Variants in SAMD5 observed in about 807,000 individuals in gnomAD.
The protein encoded by SAMD5 is sterile alpha motif domain-containing protein 5.
A neutral mutation model predicts 11.3 loss-of-function variants in SAMD5; 13 were observed. The ratio of observed to expected loss-of-function variants is 1.15; its 90% CI spans 0.75 to 1.83. SAMD5 has a LOEUF of 1.83. Ranked by LOEUF, SAMD5 falls within the 40% of genes most tolerant of loss-of-function variation. The pLI, the probability that SAMD5 is intolerant of heterozygous loss-of-function variation, is 0.00. For synonymous variants in SAMD5, 129 were observed against 111.3 expected (o/e 1.16, Z -1.00); for missense variants, 255 against 239.1 (o/e 1.07, Z -0.44).
intron 1 of SAMD5, among the ~76,000 whole-genome samples, chr6:147,641,188 C>T (rs1166397076): frequency 6.6e-6 from 1 of 152,102 alleles, no homozygotes; most frequent in Non-Finnish European, 1.5e-5. Context: ...CCTGAAATGC[C>T]CAGCTCCAGC....
At chr6:147,626,538 T>C (rs1216719742) in intron 1 of SAMD5, among the ~76,000 whole-genome samples, 1 of 151,922 alleles carries the variant, frequency 6.6e-6, no homozygotes, top group Non-Finnish European at 1.5e-5. Flanking sequence ...TTAGATCAGC[T>C]GTATAGTCTT....
the SAMD5 span, among the ~76,000 whole-genome samples, chr6:147,797,346 C>T: frequency 7.8e-3 from 1,065 of 136,010 alleles, 16 homozygotes; most frequent in African/African-American, 0.031. Flanking sequence ...TTGTCTTTGG[C>T]TCTGTTTATA....
chr6:147,695,509 T>G (rs901972950), intron 1 of SAMD5, among the ~76,000 whole-genome samples: 4 of 152,250 alleles, frequency 2.6e-5, no homozygotes, highest in Non-Finnish European at 5.9e-5. Flanking sequence ...TAAATGATCT[T>G]ATACTGCTAT....
chr6:147,703,648 C>T (rs1211440362), intron 1 of SAMD5, among the ~76,000 whole-genome samples: 1 of 152,172 alleles, frequency 6.6e-6, no homozygotes, highest in African/African-American at 2.4e-5. Context: ...AAATCACAAT[C>T]TCCTTTCTCT....
At chr6:147,891,856 C>T in the SAMD5 span, among the ~76,000 whole-genome samples, 1 of 151,974 alleles carries the variant, frequency 6.6e-6, no homozygotes, top group East Asian at 1.9e-4. Flanking sequence ...CCAGACGTGC[C>T]TGGAAAAGAA....
At chr6:147,641,230 C>T (rs778319769) in intron 1 of SAMD5, among the ~76,000 whole-genome samples, 1 of 152,144 alleles carries the variant, frequency 6.6e-6, no homozygotes, top group Non-Finnish European at 1.5e-5. Context: ...TATGGATGTC[C>T]AACATTGGAA....
At chr6:147,705,621 A>G (rs1791315100) in intron 1 of SAMD5, among the ~76,000 whole-genome samples, 1 of 152,220 alleles carries the variant, frequency 6.6e-6, no homozygotes. Flanking sequence ...CAAATAGAAA[A>G]CATGCCAAGG....
chr6:147,837,360 A>G, the SAMD5 span, among the ~76,000 whole-genome samples: 1 of 152,212 alleles, frequency 6.6e-6, no homozygotes, highest in Non-Finnish European at 1.5e-5. Context: ...GGTTATCTAA[A>G]TGGTTCAAAT....
chr6:147,647,000 AATAATAATAATAAT>A lies in SAMD5; in HGVS notation c.163-90315_163-90302del, dbSNP rs1239058889. Among the ~76,000 whole-genome samples the A allele has an allele frequency of 4.1e-3, 612 of 148,312 alleles. 7 individuals are homozygous for A. Among genetic ancestry groups the A allele is most frequent in the Non-Finnish European group, 5.9e-3 (395 of 67,180 alleles). On this transcript the variant is annotated intron_variant, in intron 1 of 1. Transcript: ENST00000566741. The stretch of plus-strand genomic sequence containing the variant: ...TAATAATAATAATAATAATAATAAT[AATAATAATAATAAT>A]AAAATAGCTGGCCATGGTGACAGGC...
chr6:147,623,670 G>C (rs572129902), intron 1 of SAMD5, among the ~76,000 whole-genome samples: 2 of 152,122 alleles, frequency 1.3e-5, no homozygotes, highest in African/African-American at 4.8e-5. Flanking sequence ...ATAAGTTTTT[G>C]CTCATCATAA....
intron 1 of SAMD5, among the ~76,000 whole-genome samples, chr6:147,552,582 T>A (rs899063745): frequency 2.0e-5 from 3 of 152,174 alleles, no homozygotes; most frequent in African/African-American, 7.2e-5. Context: ...TATAAACACA[T>A]TTGAAGGTGT....
At chr6:147,929,657 A>C in the SAMD5 span, among the ~76,000 whole-genome samples, 1 of 152,168 alleles carries the variant, frequency 6.6e-6, no homozygotes, top group Admixed American at 6.5e-5. Flanking sequence ...TTGTATGTAG[A>C]ATGACATCTA....
chr6:147,926,624 T>G, the SAMD5 span, among the ~76,000 whole-genome samples: 1 of 152,162 alleles, frequency 6.6e-6, no homozygotes, highest in Non-Finnish European at 1.5e-5. Context: ...TTCTTTGGAT[T>G]GTCTGTTTAT....
At chr6:147,788,974 C>G in the SAMD5 span, among the ~76,000 whole-genome samples, 1 of 151,846 alleles carries the variant, frequency 6.6e-6, no homozygotes, top group Non-Finnish European at 1.5e-5. Flanking sequence ...GTCCCAGCTA[C>G]TCGGGAGGCT....
At chr6:147,754,419 T>G in the SAMD5 span, among the ~76,000 whole-genome samples, 1 of 151,974 alleles carries the variant, frequency 6.6e-6, no homozygotes, top group Non-Finnish European at 1.5e-5. Context: ...TTAGATTTTT[T>G]CCTATAGAGT....
chr6:147,822,330 C>G, the SAMD5 span, among the ~76,000 whole-genome samples: 1 of 152,080 alleles, frequency 6.6e-6, no homozygotes, highest in Non-Finnish European at 1.5e-5. Context: ...TCATCATTGT[C>G]TTGGTTATTA....
chr6:147,551,815 TATATATA>T (rs200140206), intron 1 of SAMD5, among the ~76,000 whole-genome samples: 46,833 of 133,078 alleles, frequency 0.35, 7,949 homozygotes, highest in East Asian at 0.55. Flanking sequence ...ATATATGTTA[TATATATA>T]TATATATATA....
At chr6:147,605,959 A>T (rs1377840974) in intron 1 of SAMD5, among the ~76,000 whole-genome samples, 1 of 152,094 alleles carries the variant, frequency 6.6e-6, no homozygotes, top group East Asian at 1.9e-4. Flanking sequence ...CAGGGTTGGC[A>T]CACAAGATAC....
intron 1 of SAMD5, among the ~76,000 whole-genome samples, chr6:147,696,386 G>A (rs559340657): frequency 3.3e-5 from 5 of 152,320 alleles, no homozygotes; most frequent in African/African-American, 1.2e-4. Flanking sequence ...TGTAGAGAAT[G>A]ACAGTATTTG....
Sources: gnomAD v4.1 joint callset for allele counts (sites outside exome capture counted in the v4.1 genomes callset) on GRCh38, gnomAD v4.1.1 for gene constraint, MANE v1.5 for transcripts, NCBI Gene and HGNC (gene_info 2026-07-23, HGNC 2026-07-21) for gene names.